Variants in NR6A1 observed in about 807,000 individuals in gnomAD.
The protein encoded by NR6A1 is retinoic acid receptor-related testis-associated receptor.
In NR6A1, 7 loss-of-function variants were observed where a neutral mutation model predicts 59.1. The ratio of observed to expected loss-of-function variants is 0.12; its 90% CI spans 0.07 to 0.22. The LOEUF is 0.22. Ranked by LOEUF, NR6A1 falls within the 10% of genes least tolerant of loss-of-function variation. The pLI, the probability that NR6A1 is intolerant of heterozygous loss-of-function variation, is 1.00. For synonymous variants in NR6A1, 243 were observed against 236.1 expected (o/e 1.03, Z -0.27); for missense variants, 468 against 611.6 (o/e 0.77, Z 2.48).
At chr9:124,564,681 CTGTGTGTG>C (rs56301413) in intron 2 of NR6A1, among the ~76,000 whole-genome samples, 4 of 149,394 alleles carry the variant, frequency 2.7e-5, no homozygotes, top group Non-Finnish European at 4.5e-5. Context: ...AATCCACACT[CTGTGTGTG>C]TGTGTGTGTG....
At chr9:124,662,085 T>A (rs529621017) in intron 2 of NR6A1, among the ~76,000 whole-genome samples, 1 of 151,936 alleles carries the variant, frequency 6.6e-6, no homozygotes, top group Non-Finnish European at 1.5e-5. Flanking sequence ...AAAAAAAGCA[T>A]TTGAAACCAA....
intron 2 of NR6A1, among the ~76,000 whole-genome samples, chr9:124,712,915 A>G (rs1054531376): frequency 6.6e-6 from 1 of 152,088 alleles, no homozygotes; most frequent in Non-Finnish European, 1.5e-5. Flanking sequence ...AAACAACACC[A>G]CTCATGATAA....
At chr9:124,706,784 G>T (rs1839146446) in intron 2 of NR6A1, among the ~76,000 whole-genome samples, 2 of 152,160 alleles carry the variant, frequency 1.3e-5, no homozygotes, top group Admixed American at 1.3e-4. Flanking sequence ...CCAAAGTGCT[G>T]ATATTACAGG....
intron 2 of NR6A1, among the ~76,000 whole-genome samples, chr9:124,716,847 C>CACT (rs2131085176): frequency 6.6e-6 from 1 of 152,190 alleles, no homozygotes; most frequent in South Asian, 2.1e-4. Flanking sequence ...GCCTTGCCCA[C>CACT]ACTGGTCTCG....
At chr9:124,612,792 C>T (rs1194417973) in intron 2 of NR6A1, among the ~76,000 whole-genome samples, 5 of 137,538 alleles carry the variant, frequency 3.6e-5, no homozygotes, top group Admixed American at 2.9e-4. Flanking sequence ...TTCTTTCTTT[C>T]TTTTCTTTCT....
At chr9:124,730,338 C>G (rs2131121127) in intron 2 of NR6A1, among the ~76,000 whole-genome samples, 1 of 152,204 alleles carries the variant, frequency 6.6e-6, no homozygotes, top group Non-Finnish European at 1.5e-5. Context: ...AGCAATCCTC[C>G]CACCTCACCT....
chr9:124,768,537 T>C (rs544425030), intron 1 of NR6A1, among the ~76,000 whole-genome samples: 1 of 152,228 alleles, frequency 6.6e-6, no homozygotes, highest in South Asian at 2.1e-4. Context: ...TAGTGTATTT[T>C]AAGCCCATCA....
At chr9:124,700,599 T>C (rs1838912268) in intron 2 of NR6A1, among the ~76,000 whole-genome samples, 2 of 152,190 alleles carry the variant, frequency 1.3e-5, no homozygotes, top group South Asian at 4.1e-4. Flanking sequence ...TTCCTTTTTA[T>C]TGTTGAATAA....
chr9:124,725,310 T>C (rs1839681075), intron 2 of NR6A1, among the ~76,000 whole-genome samples: 1 of 151,714 alleles, frequency 6.6e-6, no homozygotes. Flanking sequence ...AGTCCAGGAA[T>C]CATAGGAAGG....
chr9:124,700,476 C>T (rs1170465840), intron 2 of NR6A1, among the ~76,000 whole-genome samples: 1 of 152,118 alleles, frequency 6.6e-6, no homozygotes, highest in South Asian at 2.1e-4. Context: ...CTGCCTCAGC[C>T]TCCCAAAGTG....
rs190263677 is a variant in NR6A1, at chr9:124,670,231, A to T, written c.142+63077T>A. Among the ~76,000 whole-genome samples the T allele has an allele frequency of 1.5e-3, 222 of 151,900 alleles. 4 individuals carry two copies. In the East Asian group the frequency reaches 0.026, roughly 18 times the overall value. On this transcript the variant is annotated intron_variant, in intron 2 of 9. Transcript: ENST00000487099. Reference sequence around the variant, plus strand: ...CTCATCTCTGCAAAAAAAAAAAAAAAAAATCAAAAAATTAGCCAGCTGTGA... The same window carrying T: ...CTCATCTCTGCAAAAAAAAAAAAAATAAATCAAAAAATTAGCCAGCTGTGA...
intron 1 of NR6A1, among the ~76,000 whole-genome samples, chr9:124,747,113 T>C (rs914006015): frequency 6.6e-6 from 1 of 151,806 alleles, no homozygotes; most frequent in Admixed American, 6.6e-5. Context: ...CTTTTGGATG[T>C]CCTTCCACTG....
chr9:124,682,886 T>C (rs1838211693), intron 2 of NR6A1, among the ~76,000 whole-genome samples: 2 of 152,082 alleles, frequency 1.3e-5, no homozygotes, highest in Non-Finnish European at 2.9e-5. Flanking sequence ...AGTATGGAAA[T>C]TGAAGTAACA....
chr9:124,674,002 T>C (rs1427747496), intron 2 of NR6A1, among the ~76,000 whole-genome samples: 1 of 152,204 alleles, frequency 6.6e-6, no homozygotes, highest in Non-Finnish European at 1.5e-5. Context: ...TGTCCCTTCT[T>C]AGCTATGTGA....
rs1833690323 is a variant in NR6A1 at position 124,548,994 on chromosome 9, C to A, written c.386-5137G>T. Among the ~76,000 whole-genome samples the A allele has an allele frequency of 2.0e-5, 3 of 152,098 alleles. No homozygotes were observed. In the South Asian group the frequency reaches 6.2e-4, roughly 31 times the overall value. ...ACTACTGAGTTATTTGCTGAAGGAC[C>A]AACAGAAAAGTAGGACTTGATCATG... On this transcript the variant is annotated intron_variant, in intron 3 of 9. Transcript: ENST00000487099.
At chr9:124,740,205 C>T (rs1327751275) in intron 1 of NR6A1, among the ~76,000 whole-genome samples, 1 of 152,194 alleles carries the variant, frequency 6.6e-6, no homozygotes, top group Non-Finnish European at 1.5e-5. Context: ...CCTTTACTCA[C>T]CACTGACATA....
At chr9:124,535,680 T>C (rs1833239783) in intron 7 of NR6A1, among the ~76,000 whole-genome samples, 198 bp downstream of exon 7, 1 of 152,244 alleles carries the variant, frequency 6.6e-6, no homozygotes. Flanking sequence ...AATTGTGTTA[T>C]CACCCCATTT....
chr9:124,582,153 G>C (rs1834790990), intron 2 of NR6A1, among the ~76,000 whole-genome samples: 1 of 152,108 alleles, frequency 6.6e-6, no homozygotes, highest in Non-Finnish European at 1.5e-5. Flanking sequence ...ATTCACAATA[G>C]CAAAGATACA....
rs60023969 is a variant in NR6A1, at chr9:124,623,526, A to AT, written c.143-68957dup. On this transcript the variant is annotated intron_variant, in intron 2 of 9. Coordinates refer to ENST00000487099, the MANE Select transcript of NR6A1 (RefSeq NM_033334.4). ...AGGCATGAGCTACCATGCCTGGCTAATTTTTTTTTTTTTTTTTAAGAGATG... is the reference window on the plus strand; with the variant it reads ...AGGCATGAGCTACCATGCCTGGCTAATTTTTTTTTTTTTTTTTTAAGAGATG... Among the ~76,000 whole-genome samples, 1,163 of 139,554 alleles carry AT rather than the reference A, an allele frequency of 8.3e-3. 8 individuals carry two copies. The highest frequency in any genetic ancestry group is 0.011 in the Non-Finnish European group (697 of 63,580). The allele number at this position is 139,554 out of a possible 152,430, so 91.6% of individuals were successfully genotyped here.
Sources: gnomAD v4.1 joint callset for allele counts (sites outside exome capture counted in the v4.1 genomes callset) on GRCh38, gnomAD v4.1.1 for gene constraint, MANE v1.5 for transcripts, NCBI Gene and HGNC (gene_info 2026-07-23, HGNC 2026-07-21) for gene names.